The following CCDC30 variants were observed in gnomAD, a reference collection of about 807,000 sequenced individuals.
The protein encoded by CCDC30 is coiled-coil domain containing 30.
In CCDC30, 70 loss-of-function variants were observed where a neutral mutation model predicts 100.2. That is an observed-to-expected ratio of 0.70 (90% CI 0.58 to 0.85). The LOEUF (loss-of-function observed/expected upper bound fraction) is 0.85. Among genes scored for constraint, CCDC30 ranks in the 40% least tolerant of loss-of-function variants. The pLI is 0.00. For synonymous variants in CCDC30, 233 were observed against 269.5 expected (o/e 0.86, Z 1.33); for missense variants, 652 against 771.2 (o/e 0.85, Z 1.83).
Position 42,622,792 on chromosome 1 carries a change from T to C in CCDC30, c.1277+11702T>C, listed in dbSNP as rs553167295. Among the ~76,000 whole-genome samples the C allele has an allele frequency of 3.9e-5, 6 of 152,352 alleles. No homozygotes were observed. The South Asian group carries it at 1.2e-3, about 32-fold the overall frequency. On this transcript the variant is annotated intron_variant, in intron 11 of 16. Coordinates refer to ENST00000668663, the Ensembl canonical transcript of CCDC30. ...ATGCCCAGCCTCAATTTTTAGTTCT[T>C]TGAGGGACCCCCAAGATGTTCTCCA...
intron 16 of CCDC30, 30 bp from the exon 21 acceptor site, chr1:42,653,788 C>T (rs1648548959): frequency 3.2e-6 from 5 of 1,542,890 alleles, no homozygotes; most frequent in Non-Finnish European, 4.5e-6. Context: ...ACTCTATGTA[C>T]ATGATGTCCT....
chr1:42,459,878 G>T, upstream of CCDC30: 1 of 1,613,682 alleles, frequency 6.2e-7, no homozygotes, highest in Non-Finnish European at 8.5e-7. Flanking sequence ...AGAAGATAGT[G>T]GATAATCTTC....
At chr1:42,569,127 G>A (rs1355415005) in intron 7 of CCDC30, 1 of 151,988 alleles carries the variant, frequency 6.6e-6, no homozygotes, top group East Asian at 1.9e-4. Flanking sequence ...TTTGTGAAGC[G>A]TTCCGTATTT....
chr1:42,616,476 T>G (rs1646729663), intron 11 of CCDC30, among the ~76,000 whole-genome samples: 1 of 152,204 alleles, frequency 6.6e-6, no homozygotes, highest in Non-Finnish European at 1.5e-5. Flanking sequence ...TCTACCTTTA[T>G]TTTTGTTTTC....
downstream of CCDC30, among the ~76,000 whole-genome samples, chr1:42,655,867 C>CTTTT (rs766715541): frequency 8.5e-4 from 74 of 87,296 alleles, no homozygotes; most frequent in South Asian, 1.3e-3. Context: ...GCTGTTTTTA[C>CTTTT]TTTTTTTTTT....
intron 6 of CCDC30, among the ~76,000 whole-genome samples, chr1:42,539,708 G>A (rs1016079688): frequency 1.3e-5 from 2 of 152,102 alleles, no homozygotes; most frequent in Admixed American, 1.3e-4. Context: ...TAGGACCAAA[G>A]CGTCTTTCTC....
chr1:42,495,998 A>G (rs926314291), intron 4 of CCDC30, among the ~76,000 whole-genome samples: 1 of 152,214 alleles, frequency 6.6e-6, no homozygotes, highest in Non-Finnish European at 1.5e-5. Context: ...TGCAGCTGTT[A>G]AAGACGACAT....
upstream of CCDC30, among the ~76,000 whole-genome samples, chr1:42,461,812 TG>T (rs2148424434): frequency 6.6e-6 from 1 of 152,306 alleles, no homozygotes; most frequent in South Asian, 2.1e-4. Context: ...TCCAAAGTGC[TG>T]GCATTACAAG....
the CCDC30 span, chr1:42,457,598 C>A: frequency 2.0e-6 from 1 of 506,898 alleles, no homozygotes; most frequent in Admixed American, 3.4e-5. Context: ...GATCATGGGG[C>A]GAGTGAATCC....
intron 8 of CCDC30, among the ~76,000 whole-genome samples, chr1:42,579,791 T>C (rs928762659): frequency 6.6e-6 from 1 of 151,844 alleles, no homozygotes; most frequent in African/African-American, 2.4e-5. Flanking sequence ...GAACCCAAAG[T>C]TCAAGACCAG....
At chr1:42,603,278 G>C (rs1012742960) in intron 10 of CCDC30, among the ~76,000 whole-genome samples, 1 of 152,100 alleles carries the variant, frequency 6.6e-6, no homozygotes, top group African/African-American at 2.4e-5. Context: ...AGGGTAAGAG[G>C]ATGCTCCCTT....
downstream of CCDC30, among the ~76,000 whole-genome samples, chr1:42,655,054 A>G (rs1488979851): frequency 6.6e-6 from 1 of 152,140 alleles, no homozygotes; most frequent in African/African-American, 2.4e-5. Flanking sequence ...TCCTAATTCA[A>G]GTACATATAT....
intron 11 of CCDC30, among the ~76,000 whole-genome samples, chr1:42,611,468 A>G (rs72959646): frequency 0.03 from 4,611 of 151,950 alleles, 212 homozygotes; most frequent in African/African-American, 0.1. Context: ...AACTGACACA[A>G]AATATTACTA....
At chr1:42,476,952 G>A (rs1458672031) in intron 1 of CCDC30, among the ~76,000 whole-genome samples, 1 of 142,020 alleles carries the variant, frequency 7.0e-6, no homozygotes. Context: ...ACATATTACT[G>A]TACTGTACCC....
intron 11 of CCDC30, among the ~76,000 whole-genome samples, chr1:42,627,921 C>G (rs1164442541): frequency 2.0e-5 from 3 of 152,208 alleles, no homozygotes; most frequent in Admixed American, 6.5e-5. Flanking sequence ...AGAGTCCCTA[C>G]TAGGGCACTG....
At chr1:42,568,227 G>T (rs1307865343) in intron 7 of CCDC30, among the ~76,000 whole-genome samples, 1 of 152,166 alleles carries the variant, frequency 6.6e-6, no homozygotes, top group South Asian at 2.1e-4. Flanking sequence ...AGATTCTCCT[G>T]CCTCAGCTTC....
downstream of CCDC30, among the ~76,000 whole-genome samples, chr1:42,655,606 C>T (rs1648630727): frequency 6.6e-6 from 1 of 151,942 alleles, no homozygotes; most frequent in Admixed American, 6.6e-5. Flanking sequence ...AGAGCTTTTC[C>T]TGGGGGAGGG....
intron 9 of CCDC30, among the ~76,000 whole-genome samples, chr1:42,583,564 T>A (rs1228107814): frequency 6.6e-6 from 1 of 152,242 alleles, no homozygotes; most frequent in South Asian, 2.1e-4. Flanking sequence ...TTTAATGATA[T>A]GTCACATTTT....
intron 1 of CCDC30, among the ~76,000 whole-genome samples, chr1:42,471,629 C>G (rs1012143682): frequency 1.3e-5 from 2 of 152,086 alleles, no homozygotes; most frequent in African/African-American, 4.8e-5. Context: ...GTATGATGCT[C>G]AAAGACCTTG....
Sources: gnomAD v4.1 joint callset for allele counts (sites outside exome capture counted in the v4.1 genomes callset) on GRCh38, gnomAD v4.1.1 for gene constraint, MANE v1.5 for transcripts, NCBI Gene and HGNC (gene_info 2026-07-23, HGNC 2026-07-21) for gene names.